KLF4: variants seen among roughly 807,000 people sequenced by gnomAD.
KLF4 encodes the protein Krueppel-like factor 4.
Under a neutral mutation model 38.0 loss-of-function variants are expected in KLF4, and 14 were observed. That is an observed-to-expected ratio of 0.37 (90% CI 0.24 to 0.58). The LOEUF is 0.58. Ranked by LOEUF, KLF4 falls within the 20% of genes least tolerant of loss-of-function variation. KLF4 has a pLI of 0.76. For synonymous variants in KLF4, 398 were observed against 302.5 expected, an observed-to-expected ratio of 1.32 and a Z score of -3.28; for missense variants, 737 against 670.1, an observed-to-expected ratio of 1.10 and a Z score of -1.10.
intron 4 of KLF4, among the ~76,000 whole-genome samples, chr9:107,486,412 C>A (rs545514452): frequency 6.6e-6 from 1 of 151,918 alleles, no homozygotes; most frequent in Admixed American, 6.6e-5. Context: ...CTTACATTGA[C>A]ATGGAAATGC....
rs45596731 is a variant in KLF4, at chr9:107,487,134, T to G, written c.1158A>C (p.Arg386=). Residue 386 remains arginine, a synonymous_variant, in exon 4 of 5, where the codon CGA becomes CGC. Coordinates refer to ENST00000374672, the MANE Select transcript of KLF4 (RefSeq NM_004235.6). The surrounding 1 kb of genome is among the most constrained non-coding windows in gnomAD (Gnocchi z 6.1). ...PEEPKPKRGR[R]SWPRKRTATH... The stretch of plus-strand genomic sequence containing the variant: ...TGGCGGTCCTTTTCCGGGGCCACGA[T>G]CGTCTTCCCCTCTTTGGCTTGGGCT... The G allele has an allele frequency of 8.7e-6, 14 of 1,614,144 alleles. 1 individual carries two copies. In the East Asian group the frequency reaches 8.9e-5, roughly 10 times the overall value.
At position 107,488,373 on chromosome 9, in the gene KLF4, G is replaced by GA; in HGVS notation, c.127-107dup. Reference sequence around the variant, plus strand: ...CGCGACTGCACCGCCCAGACATGGGGACTGGTCAGGCAGGAAGCACCCGGG... The same window carrying GA: ...CGCGACTGCACCGCCCAGACATGGGGAACTGGTCAGGCAGGAAGCACCCGGG... On this transcript the variant is annotated intron_variant, in intron 2 of 4. Coordinates refer to ENST00000374672, the MANE Select transcript of KLF4 (RefSeq NM_004235.6). The surrounding 1 kb of genome is among the most constrained non-coding windows in gnomAD (Gnocchi z 5.7). 4 of 1,441,782 alleles carry GA rather than the reference G, an allele frequency of 2.8e-6. No homozygotes were observed. Among genetic ancestry groups the GA allele is most frequent in the Non-Finnish European group, 3.6e-6 (4 of 1,103,280 alleles). 89.3% of individuals were successfully genotyped at this position (1,441,782 alleles called of 1,614,324 possible). A position where few individuals can be genotyped will look rare whatever the true frequency, so the allele number is the denominator to read the frequency against.
Position 107,487,029 on chromosome 9 carries a change from T to A in KLF4, c.1263A>T (p.Thr421=), listed in dbSNP as rs2133187148. The change falls in exon 4 of 5, where the codon ACA becomes ACT. Residue 421 remains threonine (T), a splice_region_variant and synonymous_variant. Transcript: ENST00000374672. This position sits in a 1 kb window ranked among gnomAD's most constrained non-coding sequence, Gnocchi z 6.1. ...SHLKAHLRTH[T]GEKPYHCDWD... ...CCCTTCTGCAGTTTGTCCCCCTACC[T>A]GTGTGGGTTCGCAGGTGTGCCTTGA... 1.2e-6 allele frequency: 2 copies of A among 1,614,146 alleles called. No individual in the cohort carries two copies. Among genetic ancestry groups the A allele is most frequent in the South Asian group, 2.2e-5 (2 of 91,090 alleles).
At chr9:107,486,659 A>G (rs1370945490) in intron 4 of KLF4, among the ~76,000 whole-genome samples, 1 of 152,186 alleles carries the variant, frequency 6.6e-6, no homozygotes, top group African/African-American at 2.4e-5. Flanking sequence ...TAAAAAAGCC[A>G]TCATGCTTTT....
At position 107,489,236 on chromosome 9, in the gene KLF4, C is replaced by T. The variant is rs1006470889; in HGVS notation, c.-64G>A. ...AGCTGGGGCACCTGAACCCCAAAGTCAACGAAGAGAAGAAACGAAGCCAAA... is the reference window on the plus strand; with the variant it reads ...AGCTGGGGCACCTGAACCCCAAAGTTAACGAAGAGAAGAAACGAAGCCAAA... On this transcript the variant is annotated 5_prime_UTR_variant, in exon 1 of 5. Coordinates refer to ENST00000374672, the MANE Select transcript of KLF4 (RefSeq NM_004235.6). 2.1e-6 allele frequency: 3 copies of T among 1,436,600 alleles called. No individual in the cohort carries two copies. The highest frequency in any genetic ancestry group is 5.9e-5 in the Admixed American group (2 of 33,890). The allele number at this position is 1,436,600 out of a possible 1,614,324, so 89.0% of individuals were successfully genotyped here.
chr9:107,488,534 G>A lies in KLF4; in HGVS notation c.127-267C>T, dbSNP rs1398649323. The stretch of plus-strand genomic sequence containing the variant: ...GCCGCGGCTGGTCCCTCCCCCTCCA[G>A]GTCCCGTGGACGTCCCCGGAATTGG... On this transcript the variant is annotated intron_variant, in intron 2 of 4. Coordinates refer to ENST00000374672, the MANE Select transcript of KLF4 (RefSeq NM_004235.6). This position sits in a 1 kb window ranked among gnomAD's most constrained non-coding sequence, Gnocchi z 5.7. The A allele has an allele frequency of 1.8e-6, 1 of 541,994 alleles. No homozygotes were observed. The highest frequency in any genetic ancestry group is 3.1e-6 in the Non-Finnish European group (1 of 319,244). 33.6% of individuals were successfully genotyped at this position (541,994 alleles called of 1,614,324 possible).
rs746800371 is a variant in KLF4, at chr9:107,487,897, CCGCCCGGCGCCA to C, written c.485_496del (p.Val162_Gly165del). ...GCCATAGAGGAGGCCTCCGCCCGTGCCGCCCGGCGCCACGCCCGGGTCGTTCCCGGCCCGGAT... is the reference window on the plus strand; with the variant it reads ...GCCATAGAGGAGGCCTCCGCCCGTGCCGCCCGGGTCGTTCCCGGCCCGGAT... On this transcript the variant is annotated inframe_deletion, in exon 3 of 5. Coordinates refer to ENST00000374672, the MANE Select transcript of KLF4 (RefSeq NM_004235.6). This position sits in a 1 kb window ranked among gnomAD's most constrained non-coding sequence, Gnocchi z 6.1. 4 of 1,558,738 alleles carry C rather than the reference CCGCCCGGCGCCA, an allele frequency of 2.6e-6. No individual in the cohort carries two copies. Among genetic ancestry groups the C allele is most frequent in the Non-Finnish European group, 3.5e-6 (4 of 1,152,806 alleles).
chr9:107,487,706 C>G lies in KLF4; in HGVS notation c.688G>C (p.Val230Leu). 6.2e-7 allele frequency: 1 copy of G among 1,604,246 alleles called. No individual in the cohort carries two copies. Among genetic ancestry groups the G allele is most frequent in the Non-Finnish European group, 8.5e-7 (1 of 1,177,024 alleles). ...PPGGGLMGKF[V>L]LKASLSAPGS... ...GGGGCGCTCAGCGACGCCTTCAGCA[C>G]GAACTTGCCCATCAGCCCGCCACCT... Residue 230 changes from valine to leucine, a missense_variant, in exon 3 of 5, where the codon GTG becomes CTG. Physicochemically the swap from Val to Leu is conservative, Grantham distance 32 (BLOSUM62 1). Transcript: ENST00000374672. The surrounding 1 kb of genome is among the most constrained non-coding windows in gnomAD (Gnocchi z 6.1).
At position 107,485,125 on chromosome 9, in the gene KLF4, G is replaced by A. The variant is rs1044727279; in HGVS notation, c.*626C>T. On this transcript the variant is annotated 3_prime_UTR_variant, in exon 5 of 5. Coordinates refer to ENST00000374672, the MANE Select transcript of KLF4 (RefSeq NM_004235.6). This position sits in a 1 kb window ranked among gnomAD's most constrained non-coding sequence, Gnocchi z 4.9. ...AGACTGTCTGCATAAAAATGCTAAAGAAGTAAACCAGGTATATTACCTGAC... is the reference window on the plus strand; with the variant it reads ...AGACTGTCTGCATAAAAATGCTAAAAAAGTAAACCAGGTATATTACCTGAC... 2.0e-5 allele frequency: 4 copies of A among 199,622 alleles called. No homozygotes were observed. The highest frequency in any genetic ancestry group is 6.9e-5 in the African/African-American group (3 of 43,460). 12.4% of individuals were successfully genotyped at this position (199,622 alleles called of 1,614,324 possible).
In KLF4 at chr9:107,487,942, G is replaced by A. The variant is rs750744641; in HGVS notation, c.452C>T (p.Thr151Ile). Residue 151 changes from threonine (T) to isoleucine (I), a missense_variant, in exon 3 of 5, where the codon ACC becomes ATC. Thr to Ile is a moderately conservative substitution (Grantham distance 89). Transcript: ENST00000374672. This position sits in a 1 kb window ranked among gnomAD's most constrained non-coding sequence, Gnocchi z 6.1. ...GTCGTTCCCGGCCCGGATCGGATAG[G>A]TGAAGCTGCAGGTGGAGGGCGCGCT... ...PASAPSTCSF[T>I]YPIRAGNDPG... The A allele has an allele frequency of 5.1e-6, 8 of 1,582,772 alleles. No individual in the cohort carries two copies. The highest frequency in any genetic ancestry group is 1.3e-5 in the African/African-American group (1 of 74,560).
chr9:107,489,265 CA>C lies in KLF4; in HGVS notation c.-94del. ...GAAGAGAAGAAACGAAGCCAAAACC[CA>C]AAACCCCAAATTGGCCGAGATCCTT... On this transcript the variant is annotated 5_prime_UTR_variant, in exon 1 of 5. Transcript: ENST00000374672. 3 of 1,402,766 alleles carry C rather than the reference CA, an allele frequency of 2.1e-6. No individual in the cohort carries two copies. The highest frequency in any genetic ancestry group is 1.9e-6 in the Non-Finnish European group (2 of 1,070,342). The allele number at this position is 1,402,766 out of a possible 1,614,324, so 86.9% of individuals were successfully genotyped here.
At position 107,488,938 on chromosome 9, in the gene KLF4, G is replaced by C; in HGVS notation, c.118C>G (p.Pro40Ala). Reference protein sequence around the residue: ...REKTLRQAGAPNNRWREELSH... With the variant: ...REKTLRQAGAANNRWREELSH... The stretch of plus-strand genomic sequence containing the variant: ...CCCGGAGCGATACTCACGTTATTCG[G>C]GGCACCTGCTTGACGCAGTGTCTTC... Residue 40 changes from proline to alanine, a missense_variant, in exon 2 of 5, where the codon CCG becomes GCG. By Grantham distance (27) the Pro-to-Ala change is conservative. This residue lies in a region of KLF4 where 695 missense variants were observed against 554.5 expected (regional missense o/e 1.25). Transcript: ENST00000374672. The surrounding 1 kb of genome is among the most constrained non-coding windows in gnomAD (Gnocchi z 5.7). 1.3e-6 allele frequency: 2 copies of C among 1,556,082 alleles called. No homozygotes were observed. The highest frequency in any genetic ancestry group is 1.4e-5 in the African/African-American group (1 of 73,492).
Position 107,485,589 on chromosome 9 carries a change from C to A in KLF4, c.*162G>T. 1.5e-6 allele frequency: 1 copy of A among 654,934 alleles called. No individual in the cohort carries two copies. Among genetic ancestry groups the A allele is most frequent in the Non-Finnish European group, 2.5e-6 (1 of 405,016 alleles). 40.6% of individuals were successfully genotyped at this position (654,934 alleles called of 1,614,324 possible). A position where few individuals can be genotyped will look rare whatever the true frequency, so the allele number is the denominator to read the frequency against. ...TTTGATTTTTGTCTTTTGGATTCCT[C>A]ATTTTTCCTGATTATCCACTCACAA... On this transcript the variant is annotated 3_prime_UTR_variant, in exon 5 of 5. Coordinates refer to ENST00000374672, the MANE Select transcript of KLF4 (RefSeq NM_004235.6). This position sits in a 1 kb window ranked among gnomAD's most constrained non-coding sequence, Gnocchi z 4.9.
Position 107,487,267 on chromosome 9 carries a change from G to T in KLF4, c.1099+28C>A, listed in dbSNP as rs1367619591. 6.3e-7 allele frequency: 1 copy of T among 1,596,842 alleles called. No individual in the cohort carries two copies. Among genetic ancestry groups the T allele is most frequent in the Non-Finnish European group, 8.5e-7 (1 of 1,170,860 alleles). ...GGGCCAGCACACACAGGGCTCCCCA[G>T]CCCGAGCTACAAATCCCCGGGACTG... On this transcript the variant is annotated intron_variant, in intron 3 of 4. Coordinates refer to ENST00000374672, the MANE Select transcript of KLF4 (RefSeq NM_004235.6). The surrounding 1 kb of genome is among the most constrained non-coding windows in gnomAD (Gnocchi z 6.1).
Position 107,488,055 on chromosome 9 carries a change from C to T in KLF4, c.339G>A (p.Leu113=). The T allele has an allele frequency of 1.2e-6, 2 of 1,612,644 alleles. No homozygotes were observed. Among genetic ancestry groups the T allele is most frequent in the Non-Finnish European group, 1.7e-6 (2 of 1,179,704 alleles). ...LDLDFILSNS[L]THPPESVAAT... ...CGGCCACTGACTCCGGAGGATGGGT[C>T]AGCGAATTGGAGAGAATAAAGTCCA... Residue 113 remains leucine, a synonymous_variant, in exon 3 of 5, where the codon CTG becomes CTA. Coordinates refer to ENST00000374672, the MANE Select transcript of KLF4 (RefSeq NM_004235.6). The surrounding 1 kb of genome is among the most constrained non-coding windows in gnomAD (Gnocchi z 5.7).
chr9:107,487,575 C>A lies in KLF4; in HGVS notation c.819G>T (p.Thr273=), dbSNP rs567211112. The part of the protein sequence containing the change: ...VAPYNGGPPR[T]CPKIKQEAVS... ...CCGCCTCCTGCTTGATCTTGGGGCA[C>A]GTGCGCGGCGGCCCGCCGTTGTAGG... The change falls in exon 3 of 5, where the codon ACG becomes ACT. Residue 273 remains threonine (T), a synonymous_variant. Coordinates refer to ENST00000374672, the MANE Select transcript of KLF4 (RefSeq NM_004235.6). The surrounding 1 kb of genome is among the most constrained non-coding windows in gnomAD (Gnocchi z 6.1). 2.3e-5 allele frequency: 37 copies of A among 1,578,726 alleles called. No homozygotes were observed. The highest frequency in any genetic ancestry group is 3.2e-5 in the Non-Finnish European group (37 of 1,167,194).
In KLF4 at chr9:107,489,106, G is replaced by A; in HGVS notation, c.6-56C>T. The stretch of plus-strand genomic sequence containing the variant: ...GAGTCAGGGGCGGCTTTCGGCCGTC[G>A]TTCCGGCGCGTCCCACCGGTCCTCA... On this transcript the variant is annotated intron_variant, in intron 1 of 4. Transcript: ENST00000374672. The A allele has an allele frequency of 3.2e-6, 5 of 1,549,012 alleles. No homozygotes were observed. The South Asian group carries it at 3.6e-5, about 11-fold the overall frequency.
rs148106563 is a variant in KLF4, at chr9:107,488,156, C to G, written c.238G>C (p.Gly80Arg). ...AGGTTGCTACCGCCGCAAGCCGCAC[C>G]GGCTCCGCCGCTCTCCAGGTCTGTG... The part of the protein sequence containing the change: ...VATDLESGGA[G>R]AACGGSNLAP... Residue 80 changes from glycine to arginine, a missense_variant, in exon 3 of 5, where the codon GGT (glycine) becomes CGT (arginine). Around this residue, in one of 2 missense-constraint regions of KLF4, gnomAD observed 695 missense variants for 554.5 expected, o/e 1.25. Coordinates refer to ENST00000374672, the MANE Select transcript of KLF4 (RefSeq NM_004235.6). This position sits in a 1 kb window ranked among gnomAD's most constrained non-coding sequence, Gnocchi z 5.7. 9 of 1,612,492 alleles carry G rather than the reference C, an allele frequency of 5.6e-6. No individual in the cohort carries two copies. The African/African-American group carries it at 1.2e-4, about 22-fold the overall frequency.
chr9:107,487,842 G>A lies in KLF4; in HGVS notation c.552C>T (p.Pro184=). The change falls in exon 3 of 5, where the codon CCC becomes CCT. Residue 184 remains proline, a synonymous_variant. Transcript: ENST00000374672. The surrounding 1 kb of genome is among the most constrained non-coding windows in gnomAD (Gnocchi z 6.1). The part of the protein sequence containing the change: ...GRESAPPPTA[P]FNLADINDVS... ...CGTCGTTGATGTCCGCCAGGTTGAA[G>A]GGAGCCGTCGGAGGGGGAGCGGACT... 6.5e-7 allele frequency: 1 copy of A among 1,527,454 alleles called. No homozygotes were observed. The highest frequency in any genetic ancestry group is 8.8e-7 in the Non-Finnish European group (1 of 1,135,750). The allele number at this position is 1,527,454 out of a possible 1,614,324, so 94.6% of individuals were successfully genotyped here.
Sources: allele counts gnomAD v4.1 joint callset (sites outside exome capture counted in the v4.1 genomes callset), GRCh38; gene constraint gnomAD v4.1.1; regional missense constraint gnomAD v4.1.1; non-coding constraint Gnocchi (gnomAD v3.1); transcripts MANE v1.5; gene names NCBI Gene and HGNC (gene_info 2026-07-23, HGNC 2026-07-21).